Variants in CBFA2T3 observed in about 807,000 individuals in gnomAD.
CBFA2T3 encodes CBFA2/RUNX1 partner transcriptional co-repressor 3, also known as transcriptional corepressor CBFA2T3.
In CBFA2T3, 31 loss-of-function variants were observed where a neutral mutation model predicts 58.6. That is an observed-to-expected ratio of 0.53 (90% confidence interval 0.40 to 0.71). The LOEUF (loss-of-function observed/expected upper bound fraction) is 0.71, where lower values mean the gene tolerates loss of function less well. Ranked by LOEUF, CBFA2T3 falls within the 30% of genes least tolerant of loss-of-function variation. The pLI is 0.00. For synonymous variants in CBFA2T3, 531 were observed against 421.9 expected, an observed-to-expected ratio of 1.26 and a Z score of -3.17; for missense variants, 1,076 against 963.1, an observed-to-expected ratio of 1.12 and a Z score of -1.55.
chr16:88,955,881 AGCCAAGTCTCCTGACCCCG>A, intron 1 of CBFA2T3, among the ~76,000 whole-genome samples: 1 of 143,068 alleles, frequency 7.0e-6, no homozygotes, highest in African/African-American at 2.7e-5. Flanking sequence ...TCCTGACCCC[AGCCAAGTCTCCTGACCCCG>A]CCCAAGGCTC....
chr16:88,964,004 A>G (rs543193037), intron 1 of CBFA2T3, among the ~76,000 whole-genome samples: 1 of 152,318 alleles, frequency 6.6e-6, no homozygotes, highest in South Asian at 2.1e-4. Context: ...GAGGACAGAG[A>G]GCTGCCCAGA....
intron 1 of CBFA2T3, among the ~76,000 whole-genome samples, chr16:88,902,212 G>A (rs1464389337): frequency 6.6e-6 from 1 of 152,140 alleles, no homozygotes; most frequent in Non-Finnish European, 1.5e-5. Flanking sequence ...GGCGGGGGAC[G>A]GTGTCTGCCC....
At chr16:88,947,174 C>G (rs922265979) in intron 1 of CBFA2T3, among the ~76,000 whole-genome samples, 1 of 152,244 alleles carries the variant, frequency 6.6e-6, no homozygotes, top group African/African-American at 2.4e-5. Context: ...AGGGACCCCC[C>G]ACTAGGGAAC....
intron 8 of CBFA2T3, 131 bp downstream of exon 8, chr16:88,882,545 T>C (rs548104477): frequency 6.2e-6 from 4 of 644,122 alleles, no homozygotes; most frequent in East Asian, 5.8e-5. Flanking sequence ...GCTGTGTGCA[T>C]GGGTGTGGCT....
At chr16:88,928,740 CTG>C (rs1971171021) in intron 1 of CBFA2T3, among the ~76,000 whole-genome samples, 1 of 152,236 alleles carries the variant, frequency 6.6e-6, no homozygotes, top group Non-Finnish European at 1.5e-5. Flanking sequence ...CCCAGGAACA[CTG>C]TGCAAACGTA....
chr16:88,921,597 G>A (rs964577324), intron 1 of CBFA2T3, among the ~76,000 whole-genome samples: 23 of 151,002 alleles, frequency 1.5e-4, no homozygotes, highest in Non-Finnish European at 2.1e-4. Flanking sequence ...CATTTTGCTG[G>A]GGGAGGGAGG....
chr16:88,902,019 C>T (rs563592902), intron 1 of CBFA2T3, among the ~76,000 whole-genome samples: 1 of 152,200 alleles, frequency 6.6e-6, no homozygotes, highest in Non-Finnish European at 1.5e-5. Flanking sequence ...GAGCATCCCC[C>T]GGGGGGTGTT....
chr16:88,925,894 C>A (rs1224875128), intron 1 of CBFA2T3, among the ~76,000 whole-genome samples: 1 of 152,226 alleles, frequency 6.6e-6, no homozygotes, highest in Admixed American at 6.5e-5. Flanking sequence ...CGCCAGACGC[C>A]ATGTGAACGT....
intron 1 of CBFA2T3, among the ~76,000 whole-genome samples, chr16:88,903,078 G>A (rs1970162968): frequency 2.6e-5 from 4 of 152,188 alleles, no homozygotes; most frequent in Non-Finnish European, 1.5e-5. Flanking sequence ...AACTGTGGGC[G>A]CTGCCCCTGC....
rs987891423 is a variant in CBFA2T3, at chr16:88,876,663, G to A, written c.*313C>T. On this transcript the variant is annotated 3_prime_UTR_variant, in exon 12 of 12. Coordinates refer to ENST00000268679, the MANE Select transcript of CBFA2T3 (RefSeq NM_005187.6). Reference sequence around the variant, plus strand: ...AAAGAGAGGTGGGCAGAGCCGCCGCGCCTGCGGCATCTGCTCTGCTGTCTA... The same window carrying A: ...AAAGAGAGGTGGGCAGAGCCGCCGCACCTGCGGCATCTGCTCTGCTGTCTA... The A allele has an allele frequency of 5.7e-5, 20 of 349,438 alleles. No individual in the cohort carries two copies. Among genetic ancestry groups the A allele is most frequent in the African/African-American group, 1.0e-4 (5 of 47,944 alleles). The allele number at this position is 349,438 out of a possible 1,614,324, so 21.6% of individuals were successfully genotyped here.
intron 5 of CBFA2T3, among the ~76,000 whole-genome samples, chr16:88,890,124 C>T (rs1047480835): frequency 6.6e-6 from 1 of 152,074 alleles, no homozygotes; most frequent in Non-Finnish European, 1.5e-5. Flanking sequence ...GACGATGCCC[C>T]GCGTGAATCT....
At chr16:88,884,221 G>C (rs891356495) in intron 7 of CBFA2T3, 2 of 152,264 alleles carry the variant, frequency 1.3e-5, no homozygotes, top group Non-Finnish European at 2.9e-5. Context: ...TCCGCAAGGT[G>C]GGGGCTGGGA....
rs867838127 is a variant in CBFA2T3 at position 88,929,912 on chromosome 16, C to G, written c.152-28256G>C. 1.6e-4 allele frequency among the ~76,000 whole-genome samples: 23 copies of G among 141,188 alleles called. 1 individual carries two copies. The highest frequency in any genetic ancestry group is 1.1e-3 in the East Asian group (5 of 4,682). 92.6% of individuals were successfully genotyped at this position (141,188 alleles called of 152,430 possible). ...AAGTCACCAATACCCACAGCTGCAT[C>G]GTCCACGCAAAAGCTACCAATACCC... On this transcript the variant is annotated intron_variant, in intron 1 of 11. Coordinates refer to ENST00000268679, the MANE Select transcript of CBFA2T3 (RefSeq NM_005187.6).
chr16:88,969,371 G>A (rs1011526764), intron 1 of CBFA2T3, among the ~76,000 whole-genome samples: 1 of 152,238 alleles, frequency 6.6e-6, no homozygotes, highest in African/African-American at 2.4e-5. Context: ...CCCGGCTGGT[G>A]CCTCCTGGCC....
intron 1 of CBFA2T3, among the ~76,000 whole-genome samples, chr16:88,909,707 A>C (rs1255723250): frequency 6.6e-6 from 1 of 152,192 alleles, no homozygotes; most frequent in African/African-American, 2.4e-5. Context: ...TCATCCGTCC[A>C]CGGCCGCCCT....
chr16:88,892,019 G>A (rs751010920), intron 4 of CBFA2T3, 48 bp from the exon 5 acceptor site: 7 of 1,520,158 alleles, frequency 4.6e-6, no homozygotes, highest in Admixed American at 3.4e-5. Context: ...CGGCATGTGA[G>A]CCAGCGCCGA....
intron 1 of CBFA2T3, among the ~76,000 whole-genome samples, chr16:88,906,899 C>T (rs527315597): frequency 4.6e-5 from 7 of 152,228 alleles, no homozygotes; most frequent in African/African-American, 1.7e-4. Flanking sequence ...TCCAGCCCCA[C>T]GCTGGGACAC....
At position 88,881,455 on chromosome 16, in the gene CBFA2T3, G is replaced by T; in HGVS notation, c.1238C>A (p.Thr413Lys). The part of the protein sequence containing the change: ...LNCIMDMVEK[T>K]RRSLTVLRRC... The stretch of plus-strand genomic sequence containing the variant: ...GCGCAGCACCGTGAGCGAGCGCCGC[G>T]TCTTCTCCACCATGTCCATGATGCA... The change falls in exon 9 of 12, where the codon ACG (threonine) becomes AAG (lysine). Residue 413 changes from threonine (T) to lysine (K), a missense_variant. Physicochemically the swap from Thr to Lys is moderately conservative, Grantham distance 78 (BLOSUM62 -1). Transcript: ENST00000268679. The T allele has an allele frequency of 6.2e-7, 1 of 1,609,760 alleles. No homozygotes were observed. The highest frequency in any genetic ancestry group is 8.5e-7 in the Non-Finnish European group (1 of 1,178,350).
In CBFA2T3 at chr16:88,977,180, G is replaced by A. The variant is rs530023441; in HGVS notation, c.-373C>T. The A allele has an allele frequency of 8.3e-5, 23 of 275,508 alleles. 1 individual carries two copies. Among genetic ancestry groups the A allele is most frequent in the East Asian group, 7.0e-4 (13 of 18,598 alleles). The allele number at this position is 275,508 out of a possible 1,614,324, so 17.1% of individuals were successfully genotyped here. ...GGAACCATCTGGGGCCCTGCCCTGC[G>A]CGGCCTTCCCTCGGGCCATTCCGGT... On this transcript the variant is annotated 5_prime_UTR_variant, in exon 1 of 12. Transcript: ENST00000268679.
Sources: allele counts gnomAD v4.1 joint callset (sites outside exome capture counted in the v4.1 genomes callset), GRCh38; gene constraint gnomAD v4.1.1; transcripts MANE v1.5; gene names NCBI Gene and HGNC (gene_info 2026-07-23, HGNC 2026-07-21).